Variants in SLC16A7 observed in about 807,000 individuals in gnomAD.
The protein encoded by SLC16A7 is monocarboxylate transporter 2.
SLC16A7 carries 33 observed loss-of-function variants against 34.9 expected under a neutral mutation model. The observed-to-expected ratio is 0.94, with a 90% CI of 0.72 to 1.26. The LOEUF (loss-of-function observed/expected upper bound fraction) is 1.26. Among genes scored for constraint, SLC16A7 ranks in the 50% most tolerant of loss-of-function variants. The pLI, the probability that SLC16A7 is intolerant of heterozygous loss-of-function variation, is 0.00. For synonymous variants in SLC16A7, 201 were observed against 206.6 expected (o/e 0.97, Z 0.23); for missense variants, 573 against 578.1 (o/e 0.99, Z 0.09).
chr12:59,748,933 T>C (rs948343410), intron 3 of SLC16A7, among the ~76,000 whole-genome samples: 1 of 152,194 alleles, frequency 6.6e-6, no homozygotes. Context: ...TTGATAATTT[T>C]AAGTAGAGAT....
At chr12:59,663,277 A>G (rs1592449333) in intron 2 of SLC16A7, among the ~76,000 whole-genome samples, 1 of 152,082 alleles carries the variant, frequency 6.6e-6, no homozygotes, top group East Asian at 1.9e-4. Context: ...TTTTAAAATT[A>G]TTATTCTTGA....
chr12:59,603,910 A>G (rs577942092), intron 1 of SLC16A7, among the ~76,000 whole-genome samples: 153 of 152,294 alleles, frequency 1.0e-3, no homozygotes, highest in African/African-American at 3.5e-3. Flanking sequence ...TTGTGACTCA[A>G]ATTTTCTTGT....
At chr12:59,670,261 C>T (rs1201310748) in intron 2 of SLC16A7, among the ~76,000 whole-genome samples, 1 of 152,174 alleles carries the variant, frequency 6.6e-6, no homozygotes, top group Non-Finnish European at 1.5e-5. Flanking sequence ...GATAAAAGCT[C>T]ACCCTACTCC....
intron 1 of SLC16A7, among the ~76,000 whole-genome samples, chr12:59,639,295 G>T (rs1029105693): frequency 1.3e-5 from 2 of 152,020 alleles, no homozygotes; most frequent in African/African-American, 4.8e-5. Context: ...CTAAAACTAC[G>T]ATATCAAACT....
rs546840221 is a variant in SLC16A7 at position 59,623,007 on chromosome 12, G to A, written c.-130+26771G>A. Among the ~76,000 whole-genome samples, 119 of 150,502 alleles carry A rather than the reference G, an allele frequency of 7.9e-4. 1 individual carries two copies. Among genetic ancestry groups the A allele is most frequent in the African/African-American group, 2.8e-3 (113 of 40,990 alleles). ...TCATATTTTCCCCTGTGGATGACCA[G>A]TTAGCCTAGAGCAATAAATAGCATT... On this transcript the variant is annotated intron_variant, in intron 1 of 5. Coordinates refer to ENST00000547379, the MANE Select transcript of SLC16A7 (RefSeq NM_001270623.2).
chr12:59,758,316 T>A (rs1282862618), intron 3 of SLC16A7, among the ~76,000 whole-genome samples: 1 of 152,122 alleles, frequency 6.6e-6, no homozygotes, highest in Non-Finnish European at 1.5e-5. Flanking sequence ...AGATTTTAAT[T>A]TATTAAAGGA....
At chr12:59,635,921 A>C (rs1050924893) in intron 1 of SLC16A7, among the ~76,000 whole-genome samples, 1 of 151,974 alleles carries the variant, frequency 6.6e-6, no homozygotes, top group African/African-American at 2.4e-5. Context: ...TCTTAAGTGC[A>C]TACTTAGAAG....
chr12:59,663,724 T>C (rs1868979296), intron 2 of SLC16A7, among the ~76,000 whole-genome samples: 1 of 152,146 alleles, frequency 6.6e-6, no homozygotes, highest in South Asian at 2.1e-4. Context: ...TATGCTTTTA[T>C]TTCATTTTAG....
intron 2 of SLC16A7, among the ~76,000 whole-genome samples, chr12:59,683,323 T>C (rs17122846): frequency 0.071 from 10,825 of 152,216 alleles, 429 homozygotes; most frequent in Middle Eastern, 0.17. Flanking sequence ...TGACCCAATC[T>C]GAGAAGTACT....
chr12:59,689,976 A>T (rs963023003), intron 2 of SLC16A7, among the ~76,000 whole-genome samples: 7 of 151,960 alleles, frequency 4.6e-5, no homozygotes, highest in African/African-American at 1.7e-4. Flanking sequence ...GATGCTTCCA[A>T]CCCCATAAAC....
chr12:59,768,092 T>C (rs769446385), intron 3 of SLC16A7: 12 of 448,104 alleles, frequency 2.7e-5, no homozygotes, highest in South Asian at 1.7e-4. Context: ...TAAAGCATAA[T>C]AAAAAAATTT....
rs983743206 is a variant in SLC16A7, at chr12:59,785,025, A to C, written c.*5346A>C. On this transcript the variant is annotated 3_prime_UTR_variant, in exon 6 of 6. Transcript: ENST00000547379. ...ATTGAGAATATAAGATTAATATTACAAACTTGACTTTACTCATCTCTCTTT... is the reference window on the plus strand; with the variant it reads ...ATTGAGAATATAAGATTAATATTACCAACTTGACTTTACTCATCTCTCTTT... 1 of 152,162 alleles carries C rather than the reference A, an allele frequency of 6.6e-6. No homozygotes were observed. The highest frequency in any genetic ancestry group is 2.1e-4 in the South Asian group (1 of 4,832). 9.4% of individuals were successfully genotyped at this position (152,162 alleles called of 1,614,324 possible).
At position 59,659,210 on chromosome 12, in the gene SLC16A7, A is replaced by G. The variant is rs572092958; in HGVS notation, c.-31+3960A>G. Among the ~76,000 whole-genome samples the G allele has an allele frequency of 4.0e-4, 61 of 150,660 alleles. 1 individual carries two copies. In the South Asian group the frequency reaches 0.011, roughly 28 times the overall value. On this transcript the variant is annotated intron_variant, in intron 2 of 5. Coordinates refer to ENST00000547379, the MANE Select transcript of SLC16A7 (RefSeq NM_001270623.2). ...CTGGTTTTAAAATGCATGTGCACGC[A>G]CACACACACACACACATATAGCCTC... is the stretch of plus-strand genomic sequence containing the variant.
intron 4 of SLC16A7, among the ~76,000 whole-genome samples, chr12:59,773,442 CTAGG>C (rs58615368): frequency 0.047 from 7,160 of 152,070 alleles, 548 homozygotes; most frequent in African/African-American, 0.16. Context: ...CTGTTTCAAT[CTAGG>C]TAAATTAGTT....
chr12:59,634,685 C>T (rs1020815141), intron 1 of SLC16A7, among the ~76,000 whole-genome samples: 3 of 152,024 alleles, frequency 2.0e-5, no homozygotes. Context: ...TAGCAGGGCT[C>T]TTTGCTAAAA....
intron 3 of SLC16A7, among the ~76,000 whole-genome samples, chr12:59,730,299 C>G (rs1876790199): frequency 6.6e-6 from 1 of 151,084 alleles, no homozygotes; most frequent in South Asian, 2.1e-4. Context: ...TACTCCCGTC[C>G]ACATGGATAG....
At chr12:59,733,018 G>C (rs1033370153) in intron 3 of SLC16A7, among the ~76,000 whole-genome samples, 2 of 152,170 alleles carry the variant, frequency 1.3e-5, no homozygotes, top group Non-Finnish European at 2.9e-5. Flanking sequence ...ACACATTTAA[G>C]TGGTAACTTT....
In SLC16A7 at chr12:59,774,948, C is replaced by G; in HGVS notation, c.653C>G (p.Ser218Ter). The G allele has an allele frequency of 6.2e-7, 1 of 1,613,826 alleles. No individual in the cohort carries two copies. Among genetic ancestry groups the G allele is most frequent in the South Asian group, 1.1e-5 (1 of 91,074 alleles). ...AAGACTGGCAAAACAGAAGATGATT[C>G]AAGCCCAAAGAAAATCAAAACGAAG... ...KNKTGKTEDD[S>*]SPKKIKTKKS... Residue 218 changes from serine to a stop codon, truncating the protein, a stop_gained, in exon 5 of 6, where the codon TCA becomes TGA. Coordinates refer to ENST00000547379, the MANE Select transcript of SLC16A7 (RefSeq NM_001270623.2). LOFTEE classifies it high-confidence loss of function.
chr12:59,704,199 C>CAAA (rs34021022), intron 2 of SLC16A7, among the ~76,000 whole-genome samples: 7 of 51,598 alleles, frequency 1.4e-4, no homozygotes, highest in South Asian at 8.3e-4. Flanking sequence ...GACTCTGTCT[C>CAAA]AAAAAAAAAA....
Sources: allele counts gnomAD v4.1 joint callset (sites outside exome capture counted in the v4.1 genomes callset), GRCh38; gene constraint gnomAD v4.1.1; transcripts MANE v1.5; gene names NCBI Gene and HGNC (gene_info 2026-07-23, HGNC 2026-07-21).